Variants in NCOR2 observed in about 807,000 individuals in gnomAD.
The protein encoded by NCOR2 is CTG repeat protein 26.
In NCOR2, 81 loss-of-function variants were observed where a neutral mutation model predicts 262.9. The observed-to-expected ratio is 0.31, with a 90% CI of 0.26 to 0.37. NCOR2 has a LOEUF of 0.37. Among genes scored for constraint, NCOR2 ranks in the 10% least tolerant of loss-of-function variants. The pLI, the probability that NCOR2 is intolerant of heterozygous loss-of-function variation, is 1.00. For missense variants in NCOR2, 3,385 were observed against 3,621.4 expected (o/e 0.93, Z 1.68); for synonymous variants, 1,659 against 1,559.3 (o/e 1.06, Z -1.51).
intron 20 of NCOR2, among the ~76,000 whole-genome samples, chr12:124,364,150 A>C (rs1028704830): frequency 1.3e-5 from 2 of 152,222 alleles, no homozygotes; most frequent in African/African-American, 2.4e-5. Context: ...ACATCCCCAA[A>C]GACATCTCCA....
chr12:124,326,306 C>T (rs766075360), exon 46 of NCOR2: 18 of 1,555,384 alleles, frequency 1.2e-5, no homozygotes, highest in Admixed American at 3.8e-5. Context: ...ATGCCAGGCC[C>T]GGGGCCGGGG....
Position 124,420,070 on chromosome 12 carries a change from AAG to A in NCOR2, c.1384-17_1384-16del. 1 of 1,603,794 alleles carries A rather than the reference AAG, an allele frequency of 6.2e-7. No homozygotes were observed. Among genetic ancestry groups the A allele is most frequent in the South Asian group, 1.1e-5 (1 of 90,904 alleles). On this transcript the variant is annotated splice_polypyrimidine_tract_variant and intron_variant, in intron 12 of 46. Coordinates refer to ENST00000405201, the Ensembl canonical transcript of NCOR2. ...TCAGCCACTGTCTGTGGGACAGAGAAAGAGGACGCTGAGCAGGGTACAGCACA... is the reference window on the plus strand; with the variant it reads ...TCAGCCACTGTCTGTGGGACAGAGAAAGGACGCTGAGCAGGGTACAGCACA...
chr12:124,352,991 G>A (rs1312093231), intron 27 of NCOR2, among the ~76,000 whole-genome samples: 3 of 152,214 alleles, frequency 2.0e-5, no homozygotes, highest in Non-Finnish European at 4.4e-5. Context: ...GGCTCTGTGC[G>A]TGCAGGCCAC....
chr12:124,510,679 T>C lies in NCOR2; in HGVS notation c.-117-15311A>G, dbSNP rs569436993. On this transcript the variant is annotated intron_variant, in intron 1 of 46. Coordinates refer to the NCOR2 transcript ENST00000404621. ...GCTTAGGTTAGAGGAGACTGTTGTCTCTCCCACCAGGCTGGAGCCAGGCCT... is the reference window on the plus strand; with the variant it reads ...GCTTAGGTTAGAGGAGACTGTTGTCCCTCCCACCAGGCTGGAGCCAGGCCT... Among the ~76,000 whole-genome samples, 121 of 152,218 alleles carry C rather than the reference T, an allele frequency of 7.9e-4. 1 individual carries two copies. Among genetic ancestry groups the C allele is most frequent in the Non-Finnish European group, 1.0e-4 (7 of 67,974 alleles).
chr12:124,344,634 G>A lies in NCOR2; in HGVS notation c.4677C>T (p.Pro1559=), dbSNP rs994187638. The A allele has an allele frequency of 2.1e-5, 31 of 1,470,986 alleles. No homozygotes were observed. The Admixed American group carries it at 2.4e-4, about 11-fold the overall frequency. 91.1% of individuals were successfully genotyped at this position (1,470,986 alleles called of 1,614,324 possible). ...GCGGCGTGGGCTCCCGCGTGGTCAC[G>A]GGCGAACCTCGTGGGAGGTGGCCGG... is the stretch of plus-strand genomic sequence containing the variant. Residue 1559 remains proline, a synonymous_variant, in exon 32 of 47, where the codon CCC becomes CCT. Coordinates refer to ENST00000405201, the Ensembl canonical transcript of NCOR2.
chr12:124,364,332 A>G (rs1593226907), intron 20 of NCOR2, among the ~76,000 whole-genome samples: 1 of 152,220 alleles, frequency 6.6e-6, no homozygotes, highest in South Asian at 2.1e-4. Flanking sequence ...AGGGCAAGAC[A>G]GTGGGCATGG....
intron 4 of NCOR2, among the ~76,000 whole-genome samples, chr12:124,472,662 G>A (rs189345522): frequency 6.6e-6 from 1 of 152,276 alleles, no homozygotes; most frequent in Non-Finnish European, 1.5e-5. Flanking sequence ...GCTATTCAAA[G>A]GCACATTTAA....
intron 8 of NCOR2, among the ~76,000 whole-genome samples, chr12:124,431,694 A>C (rs1482179312): frequency 6.6e-6 from 1 of 151,166 alleles, no homozygotes; most frequent in East Asian, 2.0e-4. Flanking sequence ...ACACACACAT[A>C]CAGTCACAGA....
Position 124,466,269 on chromosome 12 carries a change from C to T in NCOR2, c.609G>A (p.Glu203=). 3 of 1,607,578 alleles carry T rather than the reference C, an allele frequency of 1.9e-6. No homozygotes were observed. The South Asian group carries it at 3.3e-5, about 18-fold the overall frequency. Residue 203 remains glutamate, a synonymous_variant, in exon 5 of 47, where the codon GAG becomes GAA. Transcript: ENST00000405201. ...TCTCAGGCTCGGGCGGCTTGGCAGCCTCCTCCTCCAGCTGTTGCTGTGGGG... is the reference window on the plus strand; with the variant it reads ...TCTCAGGCTCGGGCGGCTTGGCAGCTTCCTCCTCCAGCTGTTGCTGTGGGG...
At chr12:124,327,884 C>G (rs535114058) in intron 44 of NCOR2, among the ~76,000 whole-genome samples, 2 of 152,092 alleles carry the variant, frequency 1.3e-5, no homozygotes, top group Non-Finnish European at 1.5e-5. Context: ...CCCGGAAGCT[C>G]TTGGGCACTG....
exon 12 of NCOR2, chr12:124,422,529 C>T (rs748696363): frequency 6.2e-7 from 1 of 1,614,060 alleles, no homozygotes; most frequent in Admixed American, 1.7e-5. Context: ...TGCGATCAGG[C>T]CAAAGTTCTT....
intron 20 of NCOR2, among the ~76,000 whole-genome samples, chr12:124,364,076 A>C (rs1209896157): frequency 6.6e-6 from 1 of 152,204 alleles, no homozygotes; most frequent in Non-Finnish European, 1.5e-5. Context: ...TCAGGGGCCA[A>C]GCCAGCCTCC....
chr12:124,402,888 CT>C (rs1430720988), intron 13 of NCOR2, among the ~76,000 whole-genome samples: 2 of 152,154 alleles, frequency 1.3e-5, no homozygotes, highest in Non-Finnish European at 2.9e-5. Context: ...CTTAACCTCT[CT>C]GTGCCGACTC....
chr12:124,411,927 G>T (rs1417214021), intron 13 of NCOR2, among the ~76,000 whole-genome samples: 1 of 152,202 alleles, frequency 6.6e-6, no homozygotes, highest in Non-Finnish European at 1.5e-5. Context: ...GGGGGTGGGT[G>T]TGGAGGGGCT....
At chr12:124,466,326 C>T (rs777205199) in intron 4 of NCOR2, 40 bp from the exon 7 acceptor site, 36 of 1,577,790 alleles carry the variant, frequency 2.3e-5, no homozygotes, top group Middle Eastern at 1.7e-4. Flanking sequence ...AGCACCCCAG[C>T]GGGCGGAAGG....
At chr12:124,541,819 GGAGATGGAGGGGGATGGGGAGT>G (rs2051368459) in intron 1 of NCOR2, among the ~76,000 whole-genome samples, 2 of 17,352 alleles carry the variant, frequency 1.2e-4, no homozygotes, top group Non-Finnish European at 1.5e-4. Context: ...GATGGGGAGT[GGAGATGGAGGGGGATGGGGAGT>G]GGAGATGGAG....
At chr12:124,520,713 T>C (rs2050136372) in intron 1 of NCOR2, among the ~76,000 whole-genome samples, 1 of 152,140 alleles carries the variant, frequency 6.6e-6, no homozygotes, top group African/African-American at 2.4e-5. Context: ...CAAACTCATA[T>C]TCAGAATAAG....
chr12:124,532,980 CACT>C (rs2137170832), intron 1 of NCOR2, among the ~76,000 whole-genome samples: 4 of 114,928 alleles, frequency 3.5e-5, no homozygotes, highest in Non-Finnish European at 7.7e-5. Flanking sequence ...CTCCAAATCC[CACT>C]CCTCTTTCCC....
intron 43 of NCOR2, 103 bp from the exon 46 acceptor site, chr12:124,331,001 G>A: frequency 8.1e-7 from 1 of 1,231,304 alleles, no homozygotes; most frequent in South Asian, 1.4e-5. Flanking sequence ...ATCACCTGGG[G>A]AAACTTGTGC....
Sources: allele counts gnomAD v4.1 joint callset (sites outside exome capture counted in the v4.1 genomes callset), GRCh38; gene constraint gnomAD v4.1.1; transcripts MANE v1.5; gene names NCBI Gene and HGNC (gene_info 2026-07-23, HGNC 2026-07-21).